Variants in SUSD6 observed in about 807,000 individuals in gnomAD.
SUSD6 encodes the protein sushi domain containing 6, also known as sushi domain-containing protein 6.
A neutral mutation model predicts 28.4 loss-of-function variants in SUSD6; 16 were observed. That is an observed-to-expected ratio of 0.56 (90% CI 0.38 to 0.86). SUSD6 has a LOEUF of 0.86. Among genes scored for constraint, SUSD6 ranks in the 40% least tolerant of loss-of-function variants. The pLI, the probability that SUSD6 is intolerant of heterozygous loss-of-function variation, is 0.00. For synonymous variants in SUSD6, 147 were observed against 159.6 expected (o/e 0.92, Z 0.59); for missense variants, 341 against 384.2 (o/e 0.89, Z 0.94).
At chr14:69,651,792 G>A (rs555170337) in intron 1 of SUSD6, among the ~76,000 whole-genome samples, 1 of 152,322 alleles carries the variant, frequency 6.6e-6, no homozygotes, top group South Asian at 2.1e-4. Flanking sequence ...GGAGTACAGA[G>A]GGGAGATGTT....
At chr14:69,701,228 T>C (rs112118945) in intron 2 of SUSD6, among the ~76,000 whole-genome samples, 3 of 151,846 alleles carry the variant, frequency 2.0e-5, no homozygotes, top group Non-Finnish European at 4.4e-5. Context: ...TTTTGACTTA[T>C]TATGAGTGCT....
intron 1 of SUSD6, among the ~76,000 whole-genome samples, chr14:69,614,954 A>G (rs941169177): frequency 1.3e-5 from 2 of 152,230 alleles, no homozygotes; most frequent in Non-Finnish European, 1.5e-5. Flanking sequence ...CTGAAATGAC[A>G]TGCTATCTCC....
intron 1 of SUSD6, among the ~76,000 whole-genome samples, chr14:69,618,923 T>C (rs1957366): frequency 0.99 from 150,966 of 152,346 alleles, 74,813 homozygotes; most frequent in Middle Eastern, 1. Flanking sequence ...TGAAGAGAGG[T>C]TCTAGGTTCA....
At chr14:69,663,981 T>G (rs553212557) in intron 2 of SUSD6, among the ~76,000 whole-genome samples, 1 of 151,776 alleles carries the variant, frequency 6.6e-6, no homozygotes, top group Non-Finnish European at 1.5e-5. Context: ...TTGTTTCTTT[T>G]TTTTTTTTTT....
chr14:69,656,029 T>C (rs1885577267), intron 1 of SUSD6, among the ~76,000 whole-genome samples: 1 of 152,114 alleles, frequency 6.6e-6, no homozygotes, highest in African/African-American at 2.4e-5. Flanking sequence ...CCAGGAGTAA[T>C]GTGCTCCCAT....
intron 1 of SUSD6, among the ~76,000 whole-genome samples, chr14:69,639,561 G>C (rs977104480): frequency 1.2e-4 from 19 of 152,254 alleles, no homozygotes; most frequent in Non-Finnish European, 2.8e-4. Context: ...GAGAATCACG[G>C]AGTTGGTCTG....
chr14:69,695,675 G>T (rs1004659847), intron 2 of SUSD6, among the ~76,000 whole-genome samples: 1 of 152,242 alleles, frequency 6.6e-6, no homozygotes, highest in South Asian at 2.1e-4. Context: ...GCCTTCTGGG[G>T]TTCAAATCCT....
intron 3 of SUSD6, chr14:69,703,908 T>A (rs1886348164): frequency 2.5e-6 from 1 of 401,582 alleles, no homozygotes; most frequent in African/African-American, 2.0e-5. Context: ...AGCACAATGC[T>A]AATACCTTCT....
chr14:69,674,417 T>A (rs1201720302), intron 2 of SUSD6, among the ~76,000 whole-genome samples: 1 of 152,202 alleles, frequency 6.6e-6, no homozygotes, highest in South Asian at 2.1e-4. Context: ...CCATCCTTCC[T>A]TCCCTGCTTC....
At chr14:69,701,941 C>G (rs1211615760) in intron 2 of SUSD6, among the ~76,000 whole-genome samples, 2 of 152,150 alleles carry the variant, frequency 1.3e-5, no homozygotes, top group Non-Finnish European at 2.9e-5. Flanking sequence ...CACTCCCCAA[C>G]CTGGCTGGCA....
At chr14:69,625,215 C>T (rs1008099396) in intron 1 of SUSD6, among the ~76,000 whole-genome samples, 9 of 152,088 alleles carry the variant, frequency 5.9e-5, no homozygotes, top group East Asian at 1.9e-4. Flanking sequence ...GTGTATTCCA[C>T]GGGGGGTTTT....
chr14:69,673,278 C>G (rs1350079539), intron 2 of SUSD6, among the ~76,000 whole-genome samples: 1 of 152,182 alleles, frequency 6.6e-6, no homozygotes, highest in Non-Finnish European at 1.5e-5. Context: ...GTCCCATCCC[C>G]AGAGTTTCTG....
chr14:69,707,654 G>T (rs1040247359), intron 4 of SUSD6, among the ~76,000 whole-genome samples: 1 of 152,022 alleles, frequency 6.6e-6, no homozygotes, highest in Non-Finnish European at 1.5e-5. Context: ...GGCTGAAGTG[G>T]GAGCATCACC....
intron 1 of SUSD6, among the ~76,000 whole-genome samples, chr14:69,621,602 T>C (rs1052521218): frequency 3.2e-4 from 48 of 152,358 alleles, no homozygotes; most frequent in African/African-American, 1.2e-3. Context: ...ATTCTGTTCT[T>C]TTAAAAGCCT....
chr14:69,646,759 C>T (rs146906740), intron 1 of SUSD6, among the ~76,000 whole-genome samples: 3,961 of 137,444 alleles, frequency 0.029, 183 homozygotes, highest in African/African-American at 0.099. Context: ...TGGAGTGCAG[C>T]GGTGCAATCT....
At chr14:69,682,272 G>A (rs541979905) in intron 2 of SUSD6, among the ~76,000 whole-genome samples, 158 of 152,266 alleles carry the variant, frequency 1.0e-3, no homozygotes, top group African/African-American at 3.7e-3. Flanking sequence ...AGGAGTTTGA[G>A]GCATTGGTGA....
chr14:69,701,398 G>A (rs1886310927), intron 2 of SUSD6, among the ~76,000 whole-genome samples: 1 of 152,140 alleles, frequency 6.6e-6, no homozygotes, highest in Admixed American at 6.5e-5. Context: ...CCTGCTTTCA[G>A]GAGCTGCCAT....
At chr14:69,612,202 T>C (rs1434004953) in intron 1 of SUSD6, among the ~76,000 whole-genome samples, 1 of 151,624 alleles carries the variant, frequency 6.6e-6, no homozygotes, top group Non-Finnish European at 1.5e-5. Context: ...GCAGAGGAGG[T>C]AGGCAGAGGC....
intron 2 of SUSD6, among the ~76,000 whole-genome samples, chr14:69,673,602 T>A (rs916554793): frequency 3.9e-5 from 6 of 152,154 alleles, no homozygotes; most frequent in African/African-American, 1.2e-4. Context: ...CAGATGTATC[T>A]CTTCTCCATG....
Sources: allele counts gnomAD v4.1 joint callset (sites outside exome capture counted in the v4.1 genomes callset), GRCh38; gene constraint gnomAD v4.1.1; transcripts MANE v1.5; gene names NCBI Gene and HGNC (gene_info 2026-07-23, HGNC 2026-07-21).